The following NEK1 variants were observed in gnomAD, a reference collection of about 807,000 sequenced individuals.
NEK1 encodes the protein NIMA related kinase 1.
Under a neutral mutation model 182.1 loss-of-function variants are expected in NEK1, and 137 were observed. The ratio of observed to expected loss-of-function variants is 0.75; its 90% CI spans 0.65 to 0.87. The LOEUF (loss-of-function observed/expected upper bound fraction) is 0.87, where lower values mean the gene tolerates loss of function less well. Ranked by LOEUF, NEK1 falls within the 40% of genes least tolerant of loss-of-function variation. The pLI is 0.00. For synonymous variants in NEK1, 513 were observed against 492.2 expected, an observed-to-expected ratio of 1.04 and a Z score of -0.56; for missense variants, 1,391 against 1,494.4, an observed-to-expected ratio of 0.93 and a Z score of 1.14.
chr4:169,554,144 A>G (rs1329061147), intron 18 of NEK1: 1 of 152,316 alleles, frequency 6.6e-6, no homozygotes, highest in Admixed American at 6.5e-5. Context: ...CTGGCTGGGC[A>G]TGGTGGCTCA....
intron 18 of NEK1, among the ~76,000 whole-genome samples, chr4:169,548,995 G>T (rs1760989930): frequency 6.6e-6 from 1 of 152,162 alleles, no homozygotes; most frequent in Non-Finnish European, 1.5e-5. Flanking sequence ...TCTCACTGGT[G>T]TTCCAGGTGC....
chr4:169,480,032 T>C (rs1323717222), intron 23 of NEK1, among the ~76,000 whole-genome samples: 1 of 152,176 alleles, frequency 6.6e-6, no homozygotes, highest in Non-Finnish European at 1.5e-5. Context: ...CATGTTGTAT[T>C]AACATATGTG....
At chr4:169,576,245 G>A (rs571322380) in intron 12 of NEK1, among the ~76,000 whole-genome samples, 6 of 152,240 alleles carry the variant, frequency 3.9e-5, no homozygotes, top group East Asian at 1.9e-4. Context: ...GATTACAGGC[G>A]TGAACCACCA....
At chr4:169,558,703 AT>A (rs1217943897) in intron 16 of NEK1, among the ~76,000 whole-genome samples, 5 of 152,174 alleles carry the variant, frequency 3.3e-5, no homozygotes, top group Non-Finnish European at 7.3e-5. Context: ...GGAATATATA[AT>A]TTTTCTAAAA....
At chr4:169,496,356 C>A (rs1173389768) in intron 23 of NEK1, among the ~76,000 whole-genome samples, 2 of 151,346 alleles carry the variant, frequency 1.3e-5, no homozygotes, top group Non-Finnish European at 2.9e-5. Context: ...CAAACAGGGA[C>A]AATTTGACTT....
intron 27 of NEK1, among the ~76,000 whole-genome samples, chr4:169,452,410 C>T (rs981584115): frequency 6.6e-6 from 1 of 152,212 alleles, no homozygotes; most frequent in Non-Finnish European, 1.5e-5. Context: ...TGCGAAAATC[C>T]TCAGTAAAAT....
intron 23 of NEK1, among the ~76,000 whole-genome samples, chr4:169,491,709 A>C (rs1046968780): frequency 2.6e-5 from 4 of 152,214 alleles, no homozygotes; most frequent in Non-Finnish European, 4.4e-5. Flanking sequence ...TATATATTCA[A>C]ATTCAGAATA....
intron 23 of NEK1, among the ~76,000 whole-genome samples, chr4:169,492,557 T>C (rs1481013364): frequency 6.6e-6 from 1 of 151,990 alleles, no homozygotes; most frequent in Admixed American, 6.6e-5. Context: ...TTAGAGGACT[T>C]CCTGAAAACA....
rs1487393203 is a variant in NEK1 at position 169,438,138 on chromosome 4, G to A, written c.2709C>T (p.Pro903=). ...IVDSPVETKS[P]EFSEASPQMS... is the part of the protein sequence containing the mutation. ...TCTGTGGAGATGCCTCACTGAACTCGGGACTTTTTGTCTCAACAGGAGAAT... is the reference window on the plus strand; with the variant it reads ...TCTGTGGAGATGCCTCACTGAACTCAGGACTTTTTGTCTCAACAGGAGAAT... The change falls in exon 28 of 36, where the codon CCC becomes CCT. Residue 903 remains proline, a synonymous_variant. Transcript: ENST00000507142. The A allele has an allele frequency of 2.0e-5, 33 of 1,611,372 alleles. No individual in the cohort carries two copies. The highest frequency in any genetic ancestry group is 3.3e-4 in the Middle Eastern group (2 of 6,080).
intron 16 of NEK1, among the ~76,000 whole-genome samples, chr4:169,558,525 A>AT (rs1762463438): frequency 1.3e-5 from 2 of 152,228 alleles, no homozygotes; most frequent in East Asian, 3.8e-4. Flanking sequence ...AAAATCATAA[A>AT]TATGTACTCT....
chr4:169,536,536 T>C (rs115858313), intron 19 of NEK1, among the ~76,000 whole-genome samples: 1,818 of 152,036 alleles, frequency 0.012, 32 homozygotes, highest in African/African-American at 0.041. Flanking sequence ...GACATACAAA[T>C]GCTAATCAAA....
intron 27 of NEK1, among the ~76,000 whole-genome samples, chr4:169,440,740 A>G (rs1739288630): frequency 6.6e-6 from 1 of 152,200 alleles, no homozygotes; most frequent in Non-Finnish European, 1.5e-5. Flanking sequence ...CCAGTGCTCC[A>G]TGTTCTCACC....
Position 169,438,187 on chromosome 4 carries a change from T to A in NEK1, c.2660A>T (p.Glu887Val). The change falls in exon 28 of 36, where the codon GAA (glutamate) becomes GTA (valine). Residue 887 changes from glutamate to valine, a missense_variant. By Grantham distance (121) the Glu-to-Val change is moderately radical (BLOSUM62 -2). This residue lies in a region of NEK1 where 1,216 missense variants were observed against 1,277.6 expected (regional missense o/e 0.95). Coordinates refer to ENST00000507142, the MANE Select transcript of NEK1 (RefSeq NM_001199397.3). Reference sequence around the variant, plus strand: ...ATCAACAATAGCTGATGGGTTTATTTCATGTGAAATACATTGTACTTTTTT... The same window carrying A: ...ATCAACAATAGCTGATGGGTTTATTACATGTGAAATACATTGTACTTTTTT... ...GEKKVQCISH[E>V]INPSAIVDSP... 1 of 1,595,590 alleles carries A rather than the reference T, an allele frequency of 6.3e-7. No individual in the cohort carries two copies. Among genetic ancestry groups the A allele is most frequent in the Non-Finnish European group, 8.5e-7 (1 of 1,169,730 alleles).
intron 2 of NEK1, among the ~76,000 whole-genome samples, chr4:169,609,491 T>A (rs570000117): frequency 3.9e-5 from 6 of 152,316 alleles, no homozygotes; most frequent in African/African-American, 1.2e-4. Context: ...AATTTCTTAA[T>A]ACACTGTTAG....
rs771358145 is a variant in NEK1, at chr4:169,400,598, G to T, written c.3637C>A (p.His1213Asn). The T allele has an allele frequency of 3.1e-6, 5 of 1,605,752 alleles. No homozygotes were observed. The highest frequency in any genetic ancestry group is 4.3e-6 in the Non-Finnish European group (5 of 1,175,942). Residue 1213 changes from histidine to asparagine, a missense_variant, in exon 34 of 36, where the codon CAT (histidine) becomes AAT (asparagine). Physicochemically the swap from His to Asn is moderately conservative, Grantham distance 68. Coordinates refer to ENST00000507142, the MANE Select transcript of NEK1 (RefSeq NM_001199397.3). The part of the protein sequence containing the change: ...SECECDSVFN[H>N]LEELRLHLEQ... The stretch of plus-strand genomic sequence containing the variant: ...AGATGAAGTCTCAGTTCCTCTAAAT[G>T]GTTAAAGACACTATCGCATTCACAT...
intron 23 of NEK1, among the ~76,000 whole-genome samples, chr4:169,481,045 C>T (rs762687202): frequency 1.7e-4 from 26 of 152,302 alleles, no homozygotes; most frequent in Admixed American, 1.0e-3. Context: ...ACAGCTTCAC[C>T]TTCGTAGACT....
intron 35 of NEK1, among the ~76,000 whole-genome samples, chr4:169,395,338 A>G (rs1464065520): frequency 6.6e-6 from 1 of 152,186 alleles, no homozygotes; most frequent in Non-Finnish European, 1.5e-5. Context: ...GGCCTTTTAA[A>G]TATTTCTCAT....
intron 31 of NEK1, among the ~76,000 whole-genome samples, chr4:169,408,842 T>C (rs1733104785): frequency 6.6e-6 from 1 of 152,252 alleles, no homozygotes; most frequent in South Asian, 2.1e-4. Context: ...AAGGTACGTA[T>C]ATTCCACGTT....
intron 26 of NEK1, among the ~76,000 whole-genome samples, chr4:169,473,083 T>C (rs1746302963): frequency 7.1e-6 from 1 of 140,526 alleles, no homozygotes; most frequent in Non-Finnish European, 1.5e-5. Flanking sequence ...ACATAGTGAG[T>C]CCACCATCTC....
Sources: gnomAD v4.1 joint callset for allele counts (sites outside exome capture counted in the v4.1 genomes callset) on GRCh38, gnomAD v4.1.1 for gene constraint, gnomAD v4.1.1 regional missense constraint, MANE v1.5 for transcripts, NCBI Gene and HGNC (gene_info 2026-07-23, HGNC 2026-07-21) for gene names.